KLHL29: variants seen among roughly 807,000 people sequenced by gnomAD.
The protein encoded by KLHL29 is kelch-like protein 29.
Under a neutral mutation model 80.4 loss-of-function variants are expected in KLHL29, and 21 were observed. The ratio of observed to expected loss-of-function variants is 0.26; its 90% CI spans 0.19 to 0.38. The LOEUF (loss-of-function observed/expected upper bound fraction) is 0.38, where lower values mean the gene tolerates loss of function less well. Among genes scored for constraint, KLHL29 ranks in the 10% least tolerant of loss-of-function variants. The pLI is 1.00. For synonymous variants in KLHL29, 511 were observed against 526.8 expected, an observed-to-expected ratio of 0.97 and a Z score of 0.41; for missense variants, 867 against 1,223.9, an observed-to-expected ratio of 0.71 and a Z score of 4.35.
At chr2:23,396,443 A>G (rs979669294) in intron 1 of KLHL29, among the ~76,000 whole-genome samples, 1 of 152,184 alleles carries the variant, frequency 6.6e-6, no homozygotes, top group African/African-American at 2.4e-5. Flanking sequence ...TTATTTTGCC[A>G]TTGACTTAGC....
At chr2:23,386,046 C>T (rs2103378113) in intron 1 of KLHL29, among the ~76,000 whole-genome samples, 1 of 152,268 alleles carries the variant, frequency 6.6e-6, no homozygotes, top group East Asian at 1.9e-4. Context: ...TGCACCGGGG[C>T]TGCCTGGGGC....
At chr2:23,466,393 A>C (rs1045567601) in intron 1 of KLHL29, among the ~76,000 whole-genome samples, 2 of 152,260 alleles carry the variant, frequency 1.3e-5, no homozygotes, top group African/African-American at 4.8e-5. Context: ...GTACAATTTT[A>C]TATGAATTCT....
chr2:23,532,502 T>G (rs1270819888), intron 2 of KLHL29: 1 of 450,524 alleles, frequency 2.2e-6, no homozygotes, highest in Non-Finnish European at 4.5e-6. Flanking sequence ...AGTGGAGCTT[T>G]GTGGGATGTG....
At chr2:23,701,979 AT>A (rs70941587) in intron 11 of KLHL29, among the ~76,000 whole-genome samples, 25,468 of 144,458 alleles carry the variant, frequency 0.18, 2,540 homozygotes, top group African/African-American at 0.28. Flanking sequence ...TGCCCAGCTA[AT>A]TTTTTTTTTT....
intron 3 of KLHL29, among the ~76,000 whole-genome samples, chr2:23,590,339 G>A (rs560955502): frequency 5.3e-5 from 8 of 152,328 alleles, no homozygotes; most frequent in African/African-American, 1.9e-4. Context: ...GAAGGCCCTC[G>A]GTCGGGCAGG....
At position 23,457,934 on chromosome 2, in the gene KLHL29, A is replaced by AGCT; in HGVS notation, c.-153-17626_-153-17625insGCT. Among the ~76,000 whole-genome samples the AGCT allele has an allele frequency of 6.6e-6, 1 of 152,206 alleles. No homozygotes were observed. The highest frequency in any genetic ancestry group is 1.5e-5 in the Non-Finnish European group (1 of 67,994). ...AGGTTGAGGCAGGAGAATGGCATGA[A>AGCT]CCAGGGAGGCGGAGCTTGCAGTGAA... On this transcript the variant is annotated intron_variant, in intron 1 of 13. Transcript: ENST00000486442. This position sits in a 1 kb window ranked among gnomAD's most constrained non-coding sequence, Gnocchi z 4.3.
intron 3 of KLHL29, among the ~76,000 whole-genome samples, chr2:23,584,070 A>G (rs992429263): frequency 2.6e-5 from 4 of 152,212 alleles, no homozygotes; most frequent in African/African-American, 9.6e-5. Context: ...AGGGCTCCAC[A>G]AACCCACCTG....
intron 3 of KLHL29, among the ~76,000 whole-genome samples, chr2:23,563,697 A>G (rs972533897): frequency 6.6e-5 from 10 of 152,122 alleles, no homozygotes; most frequent in Admixed American, 6.5e-5. Flanking sequence ...CCTGCTTCCC[A>G]TTAATAACTG....
In KLHL29 at chr2:23,562,391, C is replaced by A; in HGVS notation, c.195C>A (p.Thr65=). The change falls in exon 3 of 14, where the codon ACC becomes ACA. Residue 65 remains threonine (T), a synonymous_variant. Transcript: ENST00000486442. The surrounding 1 kb of genome is among the most constrained non-coding windows in gnomAD (Gnocchi z 4.5). ...CCGTGGTGCCCTCCCGGCTGCCCACCCCGGCTACAGCTCCTGCTCCCTGCA... is the reference window on the plus strand; with the variant it reads ...CCGTGGTGCCCTCCCGGCTGCCCACACCGGCTACAGCTCCTGCTCCCTGCA... ...PLPVVPSRLP[T]PATAPAPCTT... 1.9e-6 allele frequency: 3 copies of A among 1,539,140 alleles called. No homozygotes were observed. The highest frequency in any genetic ancestry group is 2.6e-6 in the Non-Finnish European group (3 of 1,146,216).
At chr2:23,536,360 C>T (rs1384220303) in intron 2 of KLHL29, among the ~76,000 whole-genome samples, 1 of 152,174 alleles carries the variant, frequency 6.6e-6, no homozygotes, top group African/African-American at 2.4e-5. Context: ...GCTGTGTGGA[C>T]GGCAGCTTGG....
At chr2:23,400,189 G>A (rs1009625697) in intron 1 of KLHL29, among the ~76,000 whole-genome samples, 7 of 152,200 alleles carry the variant, frequency 4.6e-5, no homozygotes, top group African/African-American at 1.2e-4. Flanking sequence ...CCCCAGCTCC[G>A]ACGGCCACCT....
At chr2:23,409,189 CA>C (rs1430024599) in intron 1 of KLHL29, among the ~76,000 whole-genome samples, 1 of 152,132 alleles carries the variant, frequency 6.6e-6, no homozygotes, top group African/African-American at 2.4e-5. Flanking sequence ...ATTCGCAGCA[CA>C]AAGATAACCC....
chr2:23,505,711 A>C (rs1358457202), intron 2 of KLHL29, among the ~76,000 whole-genome samples: 1 of 152,228 alleles, frequency 6.6e-6, no homozygotes, highest in East Asian at 1.9e-4. Context: ...AGCTCCTACT[A>C]GACTGACTTT....
At chr2:23,533,714 G>A (rs1416737472) in intron 2 of KLHL29, among the ~76,000 whole-genome samples, 1 of 152,104 alleles carries the variant, frequency 6.6e-6, no homozygotes, top group Non-Finnish European at 1.5e-5. Context: ...ATAAGAATTG[G>A]GGCATTTACG....
chr2:23,674,292 A>T (rs1670864127), intron 5 of KLHL29, among the ~76,000 whole-genome samples: 1 of 152,096 alleles, frequency 6.6e-6, no homozygotes, highest in Non-Finnish European at 1.5e-5. Context: ...TAATGAATAA[A>T]CAAAGGGGCC....
chr2:23,624,491 T>A (rs764706467), intron 3 of KLHL29, among the ~76,000 whole-genome samples: 1 of 152,162 alleles, frequency 6.6e-6, no homozygotes, highest in Non-Finnish European at 1.5e-5. Flanking sequence ...ACATTGCCCC[T>A]CACTATCTGT....
chr2:23,591,920 C>A (rs928834800), intron 3 of KLHL29, among the ~76,000 whole-genome samples: 1 of 152,238 alleles, frequency 6.6e-6, no homozygotes, highest in Non-Finnish European at 1.5e-5. Flanking sequence ...CTCCAGAAAC[C>A]TGGTCCTAAC....
At position 23,423,689 on chromosome 2, in the gene KLHL29, TG is replaced by T. The variant is rs553063039; in HGVS notation, c.-154+37912del. ...TGTGGGAACACCATTCCATTCTCCA[TG>T]GGCTCAGGGGGTGCGGTGTGGGATC... On this transcript the variant is annotated intron_variant, in intron 1 of 13. Transcript: ENST00000486442. 8.4e-3 allele frequency among the ~76,000 whole-genome samples: 1,274 copies of T among 152,176 alleles called. 20 individuals are homozygous for T. Among genetic ancestry groups the T allele is most frequent in the African/African-American group, 0.03 (1,231 of 41,522 alleles).
intron 1 of KLHL29, among the ~76,000 whole-genome samples, chr2:23,474,033 G>A (rs539128935): frequency 4.6e-5 from 7 of 152,110 alleles, no homozygotes; most frequent in African/African-American, 7.2e-5. Context: ...CAGGCCCCCC[G>A]ACAACATGCA....
Sources: allele counts gnomAD v4.1 joint callset (sites outside exome capture counted in the v4.1 genomes callset), GRCh38; gene constraint gnomAD v4.1.1; non-coding constraint Gnocchi (gnomAD v3.1); transcripts MANE v1.5; gene names NCBI Gene and HGNC (gene_info 2026-07-23, HGNC 2026-07-21).